Variants in DACH2 observed in about 807,000 individuals in gnomAD.
DACH2 encodes the protein dachshund family transcription factor 2.
Under a neutral mutation model 35.8 loss-of-function variants are expected in DACH2, and 17 were observed. That is an observed-to-expected ratio of 0.48 (90% CI 0.33 to 0.71). DACH2 has a LOEUF of 0.71. Among genes scored for constraint, DACH2 ranks in the 30% least tolerant of loss-of-function variants. DACH2 has a pLI of 0.02. For synonymous variants in DACH2, 195 were observed against 177.3 expected (o/e 1.10, Z -0.79); for missense variants, 469 against 472.7 (o/e 0.99, Z 0.07).
At chrX:86,224,272 A>G (rs755282432) in intron 1 of DACH2, among the ~76,000 whole-genome samples, 2 of 111,700 alleles carry the variant, frequency 1.8e-5, no homozygotes, top group South Asian at 7.5e-4. Context: ...AGCGTTGGTC[A>G]TATGTTTTAA....
At chrX:86,746,696 T>G (rs1282950992) in intron 7 of DACH2, among the ~76,000 whole-genome samples, 1 of 111,894 alleles carries the variant, frequency 8.9e-6, no homozygotes, top group Non-Finnish European at 1.9e-5. Context: ...ATGTGACTTC[T>G]AAATATTTTA....
Position 86,336,862 on chromosome X carries a change from C to A in DACH2, c.489-39962C>A, listed in dbSNP as rs973773534. Among the ~76,000 whole-genome samples the A allele has an allele frequency of 1.3e-4, 14 of 108,816 alleles. No homozygotes were observed. In the East Asian group the frequency reaches 3.6e-3, roughly 28 times the overall value. The allele number at this position is 108,816 out of a possible 115,157, so 94.5% of individuals were successfully genotyped here. ...TAGACCAATTGCTAACTAGAATAACCCATTTAGAGAAGAACATAAATGACC... is the reference window on the plus strand; with the variant it reads ...TAGACCAATTGCTAACTAGAATAACACATTTAGAGAAGAACATAAATGACC... On this transcript the variant is annotated intron_variant, in intron 1 of 11. Transcript: ENST00000373125.
At chrX:86,661,628 A>G (rs2040606125) in intron 4 of DACH2, among the ~76,000 whole-genome samples, 1 of 112,318 alleles carries the variant, frequency 8.9e-6, no homozygotes, top group Non-Finnish European at 1.9e-5. Flanking sequence ...GCTACTATAA[A>G]TGATGTTGCT....
chrX:86,421,850 T>C (rs2036808215), intron 2 of DACH2, among the ~76,000 whole-genome samples: 2 of 110,978 alleles, frequency 1.8e-5, no homozygotes, highest in African/African-American at 6.5e-5. Flanking sequence ...ACCATTTGTA[T>C]TGGCAACAAG....
intron 1 of DACH2, among the ~76,000 whole-genome samples, chrX:86,197,705 A>G (rs1035625111): frequency 1.8e-5 from 2 of 111,987 alleles, no homozygotes; most frequent in Non-Finnish European, 3.8e-5. Context: ...GTTCAATTCC[A>G]CAAGAAGACC....
At chrX:86,569,081 T>C (rs1051403481) in intron 3 of DACH2, among the ~76,000 whole-genome samples, 4 of 111,695 alleles carry the variant, frequency 3.6e-5, no homozygotes, top group African/African-American at 1.3e-4. Context: ...CCACAGTCTT[T>C]ACATGCATTT....
At chrX:86,250,569 A>AT (rs1437936964) in intron 1 of DACH2, among the ~76,000 whole-genome samples, 5 of 111,204 alleles carry the variant, frequency 4.5e-5, no homozygotes, top group Non-Finnish European at 9.5e-5. Flanking sequence ...TTTTAAAGTG[A>AT]TTTTACATAT....
At chrX:86,803,909 A>G (rs1050843716) in intron 7 of DACH2, among the ~76,000 whole-genome samples, 1 of 111,663 alleles carries the variant, frequency 9.0e-6, no homozygotes, top group African/African-American at 3.3e-5. Context: ...AGAAGATACC[A>G]TTTGAGCAAA....
At chrX:86,285,588 C>A (rs759581020) in intron 1 of DACH2, among the ~76,000 whole-genome samples, 18 of 111,363 alleles carry the variant, frequency 1.6e-4, no homozygotes. Context: ...AAGATATGGT[C>A]TTTTTTTTAC....
intron 1 of DACH2, among the ~76,000 whole-genome samples, chrX:86,368,154 G>A (rs1467103174): frequency 2.7e-5 from 3 of 111,983 alleles, no homozygotes; most frequent in African/African-American, 9.7e-5. Context: ...CTTATAAATT[G>A]TTATAGTACT....
At chrX:86,515,762 G>T (rs915531069) in intron 3 of DACH2, among the ~76,000 whole-genome samples, 2 of 112,109 alleles carry the variant, frequency 1.8e-5, no homozygotes, top group African/African-American at 3.2e-5. Flanking sequence ...TATTCTTAAA[G>T]AAACTTCTAT....
At chrX:86,594,563 CT>C (rs200406908) in intron 3 of DACH2, among the ~76,000 whole-genome samples, 6,696 of 109,729 alleles carry the variant, frequency 0.061, 163 homozygotes, top group Middle Eastern at 0.1. Context: ...TATCTTGAAA[CT>C]TTTTTTTTCC....
chrX:86,250,098 G>A (rs1569316528), intron 1 of DACH2, among the ~76,000 whole-genome samples: 1 of 111,432 alleles, frequency 9.0e-6, no homozygotes, highest in Non-Finnish European at 1.9e-5. Context: ...TACCTATCAG[G>A]TAGTATGCTT....
At chrX:86,479,962 A>G (rs926888899) in intron 2 of DACH2, among the ~76,000 whole-genome samples, 6 of 112,789 alleles carry the variant, frequency 5.3e-5, no homozygotes, top group Admixed American at 3.7e-4. Context: ...CTGTTTCTAC[A>G]AAATTCATTC....
At chrX:86,709,279 T>C (rs1309581121) in intron 5 of DACH2, among the ~76,000 whole-genome samples, 2 of 112,023 alleles carry the variant, frequency 1.8e-5, no homozygotes, top group African/African-American at 6.5e-5. Flanking sequence ...TGGTATTTGA[T>C]GGAAGAGCAA....
intron 1 of DACH2, among the ~76,000 whole-genome samples, chrX:86,336,147 C>G (rs1055843703): frequency 5.4e-5 from 6 of 111,883 alleles, no homozygotes; most frequent in African/African-American, 1.9e-4. Flanking sequence ...TGGATTCGGT[C>G]TGCCAGTATT....
At chrX:86,189,164 G>A (rs2031759682) in intron 1 of DACH2, among the ~76,000 whole-genome samples, 1 of 112,057 alleles carries the variant, frequency 8.9e-6, no homozygotes, top group Admixed American at 9.5e-5. Flanking sequence ...AAGGACCAAG[G>A]TAGCTAAATT....
intron 1 of DACH2, among the ~76,000 whole-genome samples, chrX:86,294,721 G>A (rs1174938511): frequency 1.8e-5 from 2 of 110,455 alleles, no homozygotes; most frequent in Non-Finnish European, 3.8e-5. Flanking sequence ...GTGCCTCCCA[G>A]TTAGGCTGCT....
chrX:86,814,838 A>G lies in DACH2; in HGVS notation c.1684+4A>G, dbSNP rs1189663299. 1.7e-6 allele frequency: 2 copies of G among 1,198,818 alleles called. No homozygotes were observed. Among genetic ancestry groups the G allele is most frequent in the Admixed American group, 2.3e-5 (1 of 44,312 alleles). On this transcript the variant is annotated splice_donor_region_variant and intron_variant, in intron 10 of 11. Transcript: ENST00000373125. Reference sequence around the variant, plus strand: ...AGTGGCCTGAGGATGTTAAAAGGTAATGTCTGATTTGGATTTTCACACTCA... The same window carrying G: ...AGTGGCCTGAGGATGTTAAAAGGTAGTGTCTGATTTGGATTTTCACACTCA...
Sources: allele counts gnomAD v4.1 joint callset (sites outside exome capture counted in the v4.1 genomes callset), GRCh38; gene constraint gnomAD v4.1.1; transcripts MANE v1.5; gene names NCBI Gene and HGNC (gene_info 2026-07-23, HGNC 2026-07-21).